The following PPP4R2 variants were observed in gnomAD, a reference collection of about 807,000 sequenced individuals.
PPP4R2 encodes protein phosphatase 4 regulatory subunit 2, also known as serine/threonine-protein phosphatase 4 regulatory subunit 2.
Under a neutral mutation model 47.2 loss-of-function variants are expected in PPP4R2, and 13 were observed. That is an observed-to-expected ratio of 0.28 (90% CI 0.18 to 0.44). The LOEUF (loss-of-function observed/expected upper bound fraction) is 0.44, where lower values mean the gene tolerates loss of function less well. PPP4R2 is among the 20% of genes least tolerant of loss of function. PPP4R2 has a pLI of 1.00. For synonymous variants in PPP4R2, 151 were observed against 163.3 expected, an observed-to-expected ratio of 0.92 and a Z score of 0.57; for missense variants, 421 against 491.2, an observed-to-expected ratio of 0.86 and a Z score of 1.35.
intron 2 of PPP4R2, among the ~76,000 whole-genome samples, chr3:73,034,352 A>C (rs879563583): frequency 6.6e-6 from 1 of 152,026 alleles, no homozygotes; most frequent in Admixed American, 6.6e-5. Context: ...TGTGTGTAGA[A>C]TTTTCCAGGT....
At chr3:73,030,216 C>T (rs1406381216) in intron 2 of PPP4R2, among the ~76,000 whole-genome samples, 1 of 152,094 alleles carries the variant, frequency 6.6e-6, no homozygotes, top group African/African-American at 2.4e-5. Flanking sequence ...GAGAATTGCT[C>T]AAGTGATGCT....
intron 2 of PPP4R2, among the ~76,000 whole-genome samples, chr3:73,015,545 G>A (rs186856140): frequency 1.3e-3 from 191 of 145,166 alleles, no homozygotes; most frequent in African/African-American, 4.5e-3. Flanking sequence ...GCATGATCTC[G>A]GCTCACTGCA....
Position 73,065,752 on chromosome 3 carries a change from T to C in PPP4R2, c.*30T>C. 6.8e-7 allele frequency: 1 copy of C among 1,473,276 alleles called. No individual in the cohort carries two copies. 91.3% of individuals were successfully genotyped at this position (1,473,276 alleles called of 1,614,324 possible). A position where few individuals can be genotyped will look rare whatever the true frequency, so the allele number is the denominator to read the frequency against. On this transcript the variant is annotated 3_prime_UTR_variant, in exon 9 of 9. Coordinates refer to ENST00000356692, the MANE Select transcript of PPP4R2 (RefSeq NM_174907.4). ...TTAGAAACATTTAGATGCAGTATTT[T>C]ACATACAGTTCTGGTTTTAACACTG...
At chr3:73,015,481 CTT>C (rs11321511) in intron 2 of PPP4R2, among the ~76,000 whole-genome samples, 2,043 of 133,672 alleles carry the variant, frequency 0.015, 49 homozygotes, top group African/African-American at 0.047. Flanking sequence ...AGCCTACTGT[CTT>C]TTTTTTTTTT....
chr3:73,060,140 T>C (rs1482227724), intron 4 of PPP4R2, among the ~76,000 whole-genome samples: 1 of 152,172 alleles, frequency 6.6e-6, no homozygotes, highest in Non-Finnish European at 1.5e-5. Context: ...TCAAATCCAC[T>C]TTATTTTACC....
At chr3:73,040,208 CTG>C (rs1454736024) in intron 2 of PPP4R2, among the ~76,000 whole-genome samples, 1 of 152,176 alleles carries the variant, frequency 6.6e-6, no homozygotes, top group African/African-American at 2.4e-5. Flanking sequence ...GTAAATTAAA[CTG>C]TTTCTCTACT....
At chr3:72,998,032 G>T (rs937943568) in intron 1 of PPP4R2, 45 bp from the exon 2 acceptor site, 4 of 1,365,218 alleles carry the variant, frequency 2.9e-6, no homozygotes, top group Non-Finnish European at 4.1e-6. Flanking sequence ...TTTTTAGAGC[G>T]CTTTTGAGAA....
chr3:73,040,869 T>TA (rs763630924), intron 2 of PPP4R2, among the ~76,000 whole-genome samples: 36 of 152,156 alleles, frequency 2.4e-4, no homozygotes, highest in Admixed American at 2.0e-4. Context: ...GTGGTGCAGT[T>TA]AAAAATCTTG....
intron 2 of PPP4R2, among the ~76,000 whole-genome samples, chr3:73,032,533 C>T (rs533728987): frequency 4.6e-5 from 7 of 152,126 alleles, no homozygotes; most frequent in Non-Finnish European, 7.3e-5. Context: ...GTGATCTGCC[C>T]GCCCTGGCCT....
At chr3:73,057,131 T>G (rs934385394) in intron 3 of PPP4R2, among the ~76,000 whole-genome samples, 2 of 152,148 alleles carry the variant, frequency 1.3e-5, no homozygotes, top group South Asian at 2.1e-4. Context: ...AGGTGAGTTA[T>G]ACCACTAATC....
intron 8 of PPP4R2, 60 bp downstream of exon 8, chr3:73,065,201 AT>A: frequency 1.4e-6 from 2 of 1,479,232 alleles, no homozygotes; most frequent in East Asian, 2.3e-5. Context: ...CTTGTACTTC[AT>A]TTTTTTCGTG....
chr3:73,059,236 GT>G (rs1702792916), intron 4 of PPP4R2, 106 bp downstream of exon 4: 2 of 571,404 alleles, frequency 3.5e-6, no homozygotes, highest in African/African-American at 3.9e-5. Context: ...CTTGAAATAT[GT>G]TTTTCAGCCT....
intron 2 of PPP4R2, among the ~76,000 whole-genome samples, chr3:73,007,801 C>T (rs1339053569): frequency 6.6e-6 from 1 of 152,054 alleles, no homozygotes; most frequent in Non-Finnish European, 1.5e-5. Flanking sequence ...TATGGGGTTT[C>T]TTAAGAGGGA....
intron 2 of PPP4R2, among the ~76,000 whole-genome samples, chr3:73,032,914 T>C (rs890045746): frequency 1.3e-5 from 2 of 152,102 alleles, no homozygotes; most frequent in Non-Finnish European, 2.9e-5. Flanking sequence ...TTTCATGTTT[T>C]AAAAAAAATC....
chr3:73,029,692 T>C (rs562975921), intron 2 of PPP4R2, among the ~76,000 whole-genome samples: 2 of 152,202 alleles, frequency 1.3e-5, no homozygotes, highest in South Asian at 2.1e-4. Flanking sequence ...CCTGATAAAA[T>C]TGGCATGCAG....
At chr3:73,060,165 C>A (rs1231200527) in intron 4 of PPP4R2, among the ~76,000 whole-genome samples, 1 of 152,078 alleles carries the variant, frequency 6.6e-6, no homozygotes, top group African/African-American at 2.4e-5. Flanking sequence ...GAACAGGAAT[C>A]AAAAACCATT....
chr3:73,023,678 A>G (rs1417754726), intron 2 of PPP4R2, among the ~76,000 whole-genome samples: 3 of 152,210 alleles, frequency 2.0e-5, no homozygotes, highest in Non-Finnish European at 2.9e-5. Flanking sequence ...CTCCATTTCT[A>G]TCCGATGTAA....
At chr3:73,037,467 A>G (rs1198092381) in intron 2 of PPP4R2, among the ~76,000 whole-genome samples, 2 of 152,164 alleles carry the variant, frequency 1.3e-5, no homozygotes, top group Admixed American at 6.5e-5. Context: ...TCCACCAGGA[A>G]CCACTTCCCT....
At chr3:73,025,888 T>A (rs1380394351) in intron 2 of PPP4R2, among the ~76,000 whole-genome samples, 1 of 152,058 alleles carries the variant, frequency 6.6e-6, no homozygotes, top group African/African-American at 2.4e-5. Flanking sequence ...CTAGAGGAGA[T>A]GAGAATTTGT....
Sources: gnomAD v4.1 joint callset for allele counts (sites outside exome capture counted in the v4.1 genomes callset) on GRCh38, gnomAD v4.1.1 for gene constraint, MANE v1.5 for transcripts, NCBI Gene and HGNC (gene_info 2026-07-23, HGNC 2026-07-21) for gene names.